Variants in CDNF observed in about 807,000 individuals in gnomAD.
The protein encoded by CDNF is ARMET-like protein 1.
A neutral mutation model predicts 14.8 loss-of-function variants in CDNF; 9 were observed. The observed-to-expected ratio is 0.61, with a 90% CI of 0.37 to 1.06. The LOEUF is 1.06. Among genes scored for constraint, CDNF ranks in the 50% least tolerant of loss-of-function variants. The probability of loss-of-function intolerance (pLI) is 0.01; values close to 1 mark genes in which losing one functional copy is unlikely to be tolerated. For synonymous variants in CDNF, 86 were observed against 87.2 expected, an observed-to-expected ratio of 0.99 and a Z score of 0.07; for missense variants, 228 against 228.4, an observed-to-expected ratio of 1.00 and a Z score of 0.01.
At chr10:14,820,414 T>G (rs1010899827) in intron 3 of CDNF, among the ~76,000 whole-genome samples, 1 of 151,934 alleles carries the variant, frequency 6.6e-6, no homozygotes, top group Non-Finnish European at 1.5e-5. Flanking sequence ...AAATTAAAGA[T>G]AACACTACAA....
intron 3 of CDNF, among the ~76,000 whole-genome samples, chr10:14,823,790 G>A (rs1302736697): frequency 6.6e-6 from 1 of 152,212 alleles, no homozygotes; most frequent in Non-Finnish European, 1.5e-5. Context: ...GCCTCCCAAA[G>A]TGCTGAGGTT....
intron 1 of CDNF, among the ~76,000 whole-genome samples, chr10:14,833,377 C>T (rs1833861782): frequency 6.6e-6 from 1 of 152,124 alleles, no homozygotes; most frequent in African/African-American, 2.4e-5. Flanking sequence ...AGCAGACTCC[C>T]TTTAGACTTC....
intron 1 of CDNF, among the ~76,000 whole-genome samples, chr10:14,831,340 T>C (rs952785697): frequency 3.3e-5 from 5 of 152,062 alleles, no homozygotes; most frequent in African/African-American, 9.7e-5. Flanking sequence ...CACTCTGTGG[T>C]TGGCTTCTGG....
Position 14,837,930 on chromosome 10 carries a change from G to A in CDNF, c.17C>T (p.Pro6Leu). MWCAS[P>L]VAVVAFCAGL... ...GGCGCAAAAGGCCACCACAGCAACT[G>A]GGCTCGCGCACCACATGCTGGGCCA... Residue 6 changes from proline (P) to leucine (L), a missense_variant, in exon 1 of 4, where the codon CCA (proline) becomes CTA (leucine). Physicochemically the swap from Pro to Leu is moderately conservative, Grantham distance 98 (BLOSUM62 -3). Coordinates refer to ENST00000465530, the MANE Select transcript of CDNF (RefSeq NM_001029954.3). 1 of 1,601,524 alleles carries A rather than the reference G, an allele frequency of 6.2e-7. No homozygotes were observed. Among genetic ancestry groups the A allele is most frequent in the Non-Finnish European group, 8.5e-7 (1 of 1,175,548 alleles).
At chr10:14,826,459 AG>A (rs1315591600) in intron 2 of CDNF, among the ~76,000 whole-genome samples, 8 of 141,662 alleles carry the variant, frequency 5.6e-5, no homozygotes, top group African/African-American at 2.2e-4. Flanking sequence ...AAGCAGAAGA[AG>A]AAAGAAGCAG....
intron 1 of CDNF, among the ~76,000 whole-genome samples, chr10:14,836,542 A>T (rs960477321): frequency 1.3e-5 from 2 of 152,374 alleles, no homozygotes; most frequent in African/African-American, 4.8e-5. Flanking sequence ...TAGCTAAACA[A>T]ATATCTTTAT....
chr10:14,826,086 AAGAAGAAGAAGCAGC>A (rs1276091015), intron 2 of CDNF, among the ~76,000 whole-genome samples: 81 of 136,078 alleles, frequency 6.0e-4, no homozygotes, highest in Middle Eastern at 7.7e-3. Flanking sequence ...GAAGAAGAAG[AAGAAGAAGAAGCAGC>A]AGCAGCAGCA....
intron 1 of CDNF, among the ~76,000 whole-genome samples, chr10:14,836,534 G>GCTAAA (rs1833888548): frequency 6.6e-6 from 1 of 152,204 alleles, no homozygotes; most frequent in Non-Finnish European, 1.5e-5. Flanking sequence ...TTATAACTTA[G>GCTAAA]CTAAACAAAT....
intron 1 of CDNF, among the ~76,000 whole-genome samples, chr10:14,831,595 A>G (rs1473367152): frequency 6.6e-6 from 1 of 151,336 alleles, no homozygotes; most frequent in Non-Finnish European, 1.5e-5. Flanking sequence ...TTTTTTCAAG[A>G]TGGAGTCTCG....
chr10:14,834,781 G>T (rs1004219630), intron 1 of CDNF, among the ~76,000 whole-genome samples: 7 of 152,122 alleles, frequency 4.6e-5, no homozygotes, highest in African/African-American at 1.4e-4. Flanking sequence ...GGAGGAAACT[G>T]GGAAACTGCT....
At chr10:14,831,979 A>T (rs565588883) in intron 1 of CDNF, among the ~76,000 whole-genome samples, 201 of 152,328 alleles carry the variant, frequency 1.3e-3, no homozygotes, top group African/African-American at 4.6e-3. Context: ...GTAAGTGCAA[A>T]ACAGTATTCT....
intron 2 of CDNF, among the ~76,000 whole-genome samples, chr10:14,826,097 GC>G (rs1340672096): frequency 0.059 from 6,574 of 110,992 alleles, 307 homozygotes; most frequent in African/African-American, 0.1. Context: ...AGAAGAAGAA[GC>G]AGCAGCAGCA....
rs1267174949 is a variant in CDNF at position 14,819,989 on chromosome 10, T to C, written c.555A>G (p.Thr185=). The change falls in exon 4 of 4, where the codon ACA becomes ACG. Residue 185 remains threonine, a synonymous_variant. Transcript: ENST00000465530. ...GTGCTGGCATTGGAGATCAGAGCTC[T>C]GTTTTGGGGTGTGTCGCTGCATACT... ...APKYAATHPK[T]EL The C allele has an allele frequency of 6.8e-6, 11 of 1,612,176 alleles. No individual in the cohort carries two copies. Among genetic ancestry groups the C allele is most frequent in the Non-Finnish European group, 8.5e-6 (10 of 1,179,438 alleles).
At chr10:14,822,323 G>GA (rs888560979) in intron 3 of CDNF, among the ~76,000 whole-genome samples, 2 of 151,880 alleles carry the variant, frequency 1.3e-5, no homozygotes, top group Non-Finnish European at 2.9e-5. Context: ...TGAAAAGATT[G>GA]AAAAAAAGCC....
At chr10:14,827,361 C>T (rs896726636) in intron 2 of CDNF, among the ~76,000 whole-genome samples, 5 of 152,040 alleles carry the variant, frequency 3.3e-5, no homozygotes, top group African/African-American at 1.2e-4. Flanking sequence ...GAATTGGCCC[C>T]AAATTGTCTT....
Position 14,825,539 on chromosome 10 carries a change from C to T in CDNF, c.325G>A (p.Ala109Thr). ...TTCAGCTTCTCACAAATCTTCATTG[C>T]AGGCATATGCACACTCATTGGGCGA... ...VTRPMSVHMP[A>T]MKICEKLKKL... The change falls in exon 3 of 4, where the codon GCA (alanine) becomes ACA (threonine). Residue 109 changes from alanine to threonine, a missense_variant. Transcript: ENST00000465530. 1 of 1,614,076 alleles carries T rather than the reference C, an allele frequency of 6.2e-7. No homozygotes were observed. The highest frequency in any genetic ancestry group is 8.5e-7 in the Non-Finnish European group (1 of 1,179,998).
chr10:14,826,099 AGCAGCAGCAGC>A lies in CDNF; in HGVS notation c.244-490_244-480del, dbSNP rs1564313459. Among the ~76,000 whole-genome samples the A allele has an allele frequency of 8.4e-3, 905 of 107,374 alleles. 8 individuals carry two copies. Among genetic ancestry groups the A allele is most frequent in the South Asian group, 0.021 (59 of 2,778 alleles). The allele number at this position is 107,374 out of a possible 152,430, so 70.4% of individuals were successfully genotyped here. A position where few individuals can be genotyped will look rare whatever the true frequency, so the allele number is the denominator to read the frequency against. Reference sequence around the variant, plus strand: ...AAGAAGAAGAAGAAGAAGAAGAAGCAGCAGCAGCAGCAGCAGCAGCAGCAGAAGCAGGAGAA... The same window carrying A: ...AAGAAGAAGAAGAAGAAGAAGAAGCAAGCAGCAGCAGCAGAAGCAGGAGAA... On this transcript the variant is annotated intron_variant, in intron 2 of 3. Transcript: ENST00000465530.
At chr10:14,826,331 TCAGAAGCAGCAGAAG>T (rs777306419) in intron 2 of CDNF, among the ~76,000 whole-genome samples, 614 of 127,276 alleles carry the variant, frequency 4.8e-3, no homozygotes, top group Non-Finnish European at 6.3e-3. Context: ...AGTGGAGGAA[TCAGAAGCAGCAGAAG>T]CAGAAGCAGC....
chr10:14,821,118 A>G (rs541826847), intron 3 of CDNF, among the ~76,000 whole-genome samples: 1 of 151,878 alleles, frequency 6.6e-6, no homozygotes, highest in Admixed American at 6.6e-5. Context: ...CCAGTCTTAG[A>G]TAGTTCTTTT....
Sources: gnomAD v4.1 joint callset for allele counts (sites outside exome capture counted in the v4.1 genomes callset) on GRCh38, gnomAD v4.1.1 for gene constraint, MANE v1.5 for transcripts, NCBI Gene and HGNC (gene_info 2026-07-23, HGNC 2026-07-21) for gene names.